Variants in ZNF845 observed in about 807,000 individuals in gnomAD.
ZNF845 encodes the protein zinc finger protein 845.
ZNF845 carries 59 observed loss-of-function variants against 76.1 expected under a neutral mutation model. The observed-to-expected ratio is 0.78, with a 90% CI of 0.63 to 0.96. The LOEUF is 0.96. Among genes scored for constraint, ZNF845 ranks in the 40% least tolerant of loss-of-function variants. ZNF845 has a pLI of 0.00. For synonymous variants in ZNF845, 361 were observed against 386.9 expected (o/e 0.93, Z 0.78); for missense variants, 1,045 against 1,172.8 (o/e 0.89, Z 1.59).
chr19:53,354,573 C>A lies in ZNF845; in HGVS notation c.*985C>A, dbSNP rs190453721. 1 of 156,916 alleles carries A rather than the reference C, an allele frequency of 6.4e-6. No homozygotes were observed. The highest frequency in any genetic ancestry group is 2.4e-5 in the African/African-American group (1 of 41,554). The allele number at this position is 156,916 out of a possible 1,614,324, so 9.7% of individuals were successfully genotyped here. On this transcript the variant is annotated 3_prime_UTR_variant, in exon 4 of 4. Coordinates refer to ENST00000458035, the MANE Select transcript of ZNF845 (RefSeq NM_138374.3). ...TTATGGGTATCTGTTGAATCTAAAT[C>A]ACATTTGTTTGTATAATCATTCAAC...
In ZNF845 at chr19:53,353,841, A is replaced by G. The variant is rs2085364748; in HGVS notation, c.*253A>G. On this transcript the variant is annotated 3_prime_UTR_variant, in exon 4 of 4. Transcript: ENST00000458035. Reference sequence around the variant, plus strand: ...ATCCATGGTATAGGGAAACTTTACTAATGTAATGATTATCACAAAGTCTTC... The same window carrying G: ...ATCCATGGTATAGGGAAACTTTACTGATGTAATGATTATCACAAAGTCTTC... 2.9e-6 allele frequency: 4 copies of G among 1,375,552 alleles called. No homozygotes were observed. The Admixed American group carries it at 7.1e-5, about 24-fold the overall frequency. 85.2% of individuals were successfully genotyped at this position (1,375,552 alleles called of 1,614,324 possible). A position where few individuals can be genotyped will look rare whatever the true frequency, so the allele number is the denominator to read the frequency against.
At position 53,354,894 on chromosome 19, in the gene ZNF845, G is replaced by A. The variant is rs1196312463; in HGVS notation, c.*1306G>A. 6.8e-6 allele frequency: 1 copy of A among 147,648 alleles called. No homozygotes were observed. The highest frequency in any genetic ancestry group is 6.8e-5 in the Admixed American group (1 of 14,770). The allele number at this position is 147,648 out of a possible 1,614,324, so 9.1% of individuals were successfully genotyped here. ...TTGTGATTTTCTTTCTTTTTTTTTTGAGACAGTCTCACTCTGTTACCCAGG... is the reference window on the plus strand; with the variant it reads ...TTGTGATTTTCTTTCTTTTTTTTTTAAGACAGTCTCACTCTGTTACCCAGG... On this transcript the variant is annotated 3_prime_UTR_variant, in exon 4 of 4. Transcript: ENST00000458035.
intron 1 of ZNF845, among the ~76,000 whole-genome samples, chr19:53,338,999 C>G (rs2085237467): frequency 6.6e-6 from 1 of 151,732 alleles, no homozygotes; most frequent in Non-Finnish European, 1.5e-5. Flanking sequence ...ACTCGGGAAA[C>G]TGAAGCAGGA....
At position 53,355,965 on chromosome 19, in the gene ZNF845, TC is replaced by T. The variant is rs2085383311; in HGVS notation, c.*2380del. 6.6e-6 allele frequency: 1 copy of T among 152,206 alleles called. No homozygotes were observed. Among genetic ancestry groups the T allele is most frequent in the Non-Finnish European group, 1.5e-5 (1 of 68,034 alleles). The allele number at this position is 152,206 out of a possible 1,614,324, so 9.4% of individuals were successfully genotyped here. On this transcript the variant is annotated 3_prime_UTR_variant, in exon 4 of 4. Coordinates refer to ENST00000458035, the MANE Select transcript of ZNF845 (RefSeq NM_138374.3). ...TTGAGTATGTTGAACCATCCTTGCA[TC>T]CCATGAATAGGTAGCACTTGGATGT... is the stretch of plus-strand genomic sequence containing the variant.
At chr19:53,337,929 G>C (rs1345197151) in intron 1 of ZNF845, among the ~76,000 whole-genome samples, 1 of 152,148 alleles carries the variant, frequency 6.6e-6, no homozygotes, top group Non-Finnish European at 1.5e-5. Context: ...TCAAACTCAT[G>C]ACCTCAGGTG....
chr19:53,352,509 T>C lies in ZNF845; in HGVS notation c.1834T>C (p.Cys612Arg), dbSNP rs1437713728. 7 of 1,609,262 alleles carry C rather than the reference T, an allele frequency of 4.3e-6. No homozygotes were observed. The highest frequency in any genetic ancestry group is 1.7e-5 in the Admixed American group (1 of 58,962). The part of the protein sequence containing the change: ...NEERSYKCNR[C>R]GKFFRHRSYL... ...AGAGAGATCGTACAAGTGTAATAGATGTGGCAAATTTTTCAGACATCGTTC... is the reference window on the plus strand; with the variant it reads ...AGAGAGATCGTACAAGTGTAATAGACGTGGCAAATTTTTCAGACATCGTTC... Residue 612 changes from cysteine (C) to arginine (R), a missense_variant, in exon 4 of 4, where the codon TGT becomes CGT. Transcript: ENST00000458035.
At position 53,353,871 on chromosome 19, in the gene ZNF845, A is replaced by G; in HGVS notation, c.*283A>G. 1 of 1,178,928 alleles carries G rather than the reference A, an allele frequency of 8.5e-7. No homozygotes were observed. Among genetic ancestry groups the G allele is most frequent in the Non-Finnish European group, 1.2e-6 (1 of 841,498 alleles). 73.0% of individuals were successfully genotyped at this position (1,178,928 alleles called of 1,614,324 possible). On this transcript the variant is annotated 3_prime_UTR_variant, in exon 4 of 4. Transcript: ENST00000458035. The stretch of plus-strand genomic sequence containing the variant: ...AATGATTATCACAAAGTCTTCAGTA[A>G]CACTACAACCGTTTCAAATCATTGG...
Position 53,354,940 on chromosome 19 carries a change from A to G in ZNF845, c.*1352A>G, listed in dbSNP as rs1312555875. On this transcript the variant is annotated 3_prime_UTR_variant, in exon 4 of 4. Transcript: ENST00000458035. Reference sequence around the variant, plus strand: ...CCAGGCTCTTTTCTTTTTTTTTGAGAAGGAGTCTCACTCTTGTCACTTGGA... The same window carrying G: ...CCAGGCTCTTTTCTTTTTTTTTGAGGAGGAGTCTCACTCTTGTCACTTGGA... 6.7e-6 allele frequency: 1 copy of G among 150,276 alleles called. No homozygotes were observed. Among genetic ancestry groups the G allele is most frequent in the Non-Finnish European group, 1.5e-5 (1 of 67,714 alleles). 9.3% of individuals were successfully genotyped at this position (150,276 alleles called of 1,614,324 possible). A position where few individuals can be genotyped will look rare whatever the true frequency, so the allele number is the denominator to read the frequency against.
intron 1 of ZNF845, among the ~76,000 whole-genome samples, chr19:53,336,289 C>T (rs1229490183): frequency 6.6e-6 from 1 of 150,856 alleles, no homozygotes; most frequent in African/African-American, 2.4e-5. Context: ...AGCCAATCAC[C>T]TAAGGTCAGT....
chr19:53,340,553 G>C (rs187828476), intron 1 of ZNF845, among the ~76,000 whole-genome samples: 1 of 152,140 alleles, frequency 6.6e-6, no homozygotes, highest in African/African-American at 2.4e-5. Context: ...TCTCAGATGA[G>C]GGTGACCTTG....
At chr19:53,336,470 A>G (rs1302775797) in intron 1 of ZNF845, among the ~76,000 whole-genome samples, 2 of 152,154 alleles carry the variant, frequency 1.3e-5, no homozygotes, top group African/African-American at 2.4e-5. Flanking sequence ...AAATGGTACC[A>G]CTGCACTGCA....
intron 1 of ZNF845, among the ~76,000 whole-genome samples, chr19:53,334,733 C>G (rs1285239764): frequency 1.5e-5 from 2 of 130,508 alleles, no homozygotes; most frequent in Non-Finnish European, 3.2e-5. Flanking sequence ...AGACCCCCCC[C>G]CCCATCTCTG....
chr19:53,344,612 T>A (rs1199896821), intron 2 of ZNF845, among the ~76,000 whole-genome samples: 6 of 145,418 alleles, frequency 4.1e-5, no homozygotes, highest in African/African-American at 1.5e-4. Flanking sequence ...TTATTTATTT[T>A]ATTTTATTTT....
intron 2 of ZNF845, among the ~76,000 whole-genome samples, chr19:53,342,898 A>C (rs2085266813): frequency 6.6e-6 from 1 of 152,002 alleles, no homozygotes; most frequent in African/African-American, 2.4e-5. Context: ...GGCTCACTGC[A>C]ACCACTGCCT....
intron 1 of ZNF845, among the ~76,000 whole-genome samples, chr19:53,336,209 C>CAAAAA (rs34338136): frequency 2.1e-4 from 24 of 112,806 alleles, no homozygotes; most frequent in African/African-American, 7.6e-4. Flanking sequence ...GACTCCATCT[C>CAAAAA]AAAAAAAAAA....
chr19:53,336,886 T>C (rs2085219222), intron 1 of ZNF845, among the ~76,000 whole-genome samples: 1 of 152,248 alleles, frequency 6.6e-6, no homozygotes, highest in Non-Finnish European at 1.5e-5. Flanking sequence ...CTTTATTATT[T>C]ATTGGAAACC....
At chr19:53,336,371 A>G (rs10409396) in intron 1 of ZNF845, among the ~76,000 whole-genome samples, 26,759 of 151,886 alleles carry the variant, frequency 0.18, 3,115 homozygotes, top group African/African-American at 0.32. Flanking sequence ...TAAGCTGGGC[A>G]TGGTGGCATG....
At position 53,352,281 on chromosome 19, in the gene ZNF845, T is replaced by C. The variant is rs929859305; in HGVS notation, c.1606T>C (p.Ser536Pro). 6.2e-7 allele frequency: 1 copy of C among 1,613,642 alleles called. No individual in the cohort carries two copies. The highest frequency in any genetic ancestry group is 8.5e-7 in the Non-Finnish European group (1 of 1,179,888). Residue 536 changes from serine to proline, a missense_variant, in exon 4 of 4, where the codon TCA (serine) becomes CCA (proline). Transcript: ENST00000458035. ...ATGTGGCAAGACCTTTAGTCGGAAG[T>C]CATCCCTTACACGCCATTGTAGACT... is the stretch of plus-strand genomic sequence containing the variant. The part of the protein sequence containing the change: ...NECGKTFSRK[S>P]SLTRHCRLHT...
intron 2 of ZNF845, among the ~76,000 whole-genome samples, chr19:53,343,170 A>G (rs547568025): frequency 1.4e-4 from 21 of 152,236 alleles, no homozygotes; most frequent in African/African-American, 5.1e-4. Flanking sequence ...CTCCACCCTC[A>G]AGTAGACCCC....
Sources: gnomAD v4.1 joint callset for allele counts (sites outside exome capture counted in the v4.1 genomes callset) on GRCh38, gnomAD v4.1.1 for gene constraint, MANE v1.5 for transcripts, NCBI Gene and HGNC (gene_info 2026-07-23, HGNC 2026-07-21) for gene names.